ZDHHC14: variants seen among roughly 807,000 people sequenced by gnomAD.
The protein encoded by ZDHHC14 is zDHHC palmitoyltransferase 14, also known as palmitoyltransferase ZDHHC14.
ZDHHC14 carries 16 observed loss-of-function variants against 47.7 expected under a neutral mutation model. That is an observed-to-expected ratio of 0.34 (90% CI 0.23 to 0.51). The LOEUF is 0.51. ZDHHC14 is among the 20% of genes least tolerant of loss of function. The pLI is 0.97. For missense variants in ZDHHC14, 515 were observed against 662.5 expected, an observed-to-expected ratio of 0.78 and a Z score of 2.44; for synonymous variants, 293 against 278.9, an observed-to-expected ratio of 1.05 and a Z score of -0.50.
At chr6:157,530,897 T>TA (rs538397957) in intron 1 of ZDHHC14, among the ~76,000 whole-genome samples, 6,420 of 150,660 alleles carry the variant, frequency 0.043, 437 homozygotes, top group African/African-American at 0.14. Flanking sequence ...ACGGATATGT[T>TA]AAAAAAAAAA....
At chr6:157,487,550 A>G (rs934586601) in intron 1 of ZDHHC14, among the ~76,000 whole-genome samples, 43 of 152,350 alleles carry the variant, frequency 2.8e-4, no homozygotes, top group Non-Finnish European at 5.3e-4. Context: ...GAAATGATTA[A>G]TATCCTTCAT....
chr6:157,636,336 A>AGTGTGTGTGT (rs112041409), intron 5 of ZDHHC14, among the ~76,000 whole-genome samples: 13 of 149,254 alleles, frequency 8.7e-5, no homozygotes, highest in South Asian at 4.3e-4. Flanking sequence ...AGGATATATA[A>AGTGTGTGTGT]GTGTGTGTGT....
intron 1 of ZDHHC14, among the ~76,000 whole-genome samples, chr6:157,477,047 C>G (rs1052282636): frequency 2.6e-5 from 4 of 152,042 alleles, no homozygotes; most frequent in African/African-American, 9.7e-5. Flanking sequence ...GAAGTCCTAG[C>G]CAAAATAACT....
intron 1 of ZDHHC14, among the ~76,000 whole-genome samples, chr6:157,464,770 C>T (rs1322221666): frequency 2.0e-5 from 3 of 152,206 alleles, no homozygotes; most frequent in Non-Finnish European, 2.9e-5. Context: ...TTCAGCTGGG[C>T]GTTGTCTGGT....
chr6:157,621,904 G>GA (rs1785205203), intron 3 of ZDHHC14, among the ~76,000 whole-genome samples: 1 of 151,882 alleles, frequency 6.6e-6, no homozygotes, highest in South Asian at 2.1e-4. Flanking sequence ...TCTAATCTGA[G>GA]GAAAGGCACA....
At chr6:157,399,819 T>C (rs1777594813) in intron 1 of ZDHHC14, among the ~76,000 whole-genome samples, 1 of 152,230 alleles carries the variant, frequency 6.6e-6, no homozygotes, top group East Asian at 1.9e-4. Flanking sequence ...CACATGGCAC[T>C]TTCTGCAGGT....
rs1483312348 is a variant in ZDHHC14, at chr6:157,653,598, T to G, written c.1039T>G (p.Tyr347Asp). The G allele has an allele frequency of 5.0e-6, 8 of 1,613,888 alleles. No homozygotes were observed. Among genetic ancestry groups the G allele is most frequent in the Non-Finnish European group, 4.2e-6 (5 of 1,179,972 alleles). ...AGCACCCTCCAATGGCATCACCATG[T>G]ACGGGGCCACGCAGTCACAGAGTGA... ...PAAPSNGITMYGATQSQSDMC... is the reference protein window; with the variant it reads ...PAAPSNGITMDGATQSQSDMC... The change falls in exon 8 of 9, where the codon TAC becomes GAC. Residue 347 changes from tyrosine to aspartate, a missense_variant. This residue lies in a region of ZDHHC14 where 221 missense variants were observed against 233.6 expected (regional missense o/e 0.95). Transcript: ENST00000359775.
intron 2 of ZDHHC14, among the ~76,000 whole-genome samples, chr6:157,559,168 G>A (rs1391468238): frequency 6.6e-6 from 1 of 151,458 alleles, no homozygotes; most frequent in Non-Finnish European, 1.5e-5. Flanking sequence ...ACTACAGAGA[G>A]ACTGATGGTG....
rs780102191 is a variant in ZDHHC14, at chr6:157,619,248, G to A, written c.566-9101G>A. On this transcript the variant is annotated intron_variant, in intron 3 of 8. Transcript: ENST00000359775. Reference sequence around the variant, plus strand: ...ATTAAAAAAAAAAAAAATCATAGCCGGGCATGGTGTTGCATGCCTGTAATT... The same window carrying A: ...ATTAAAAAAAAAAAAAATCATAGCCAGGCATGGTGTTGCATGCCTGTAATT... Among the ~76,000 whole-genome samples the A allele has an allele frequency of 7.2e-5, 11 of 151,860 alleles. No individual in the cohort carries two copies. The East Asian group carries it at 7.7e-4, about 11-fold the overall frequency.
chr6:157,659,691 C>T (rs1024053352), intron 8 of ZDHHC14, among the ~76,000 whole-genome samples: 7 of 152,222 alleles, frequency 4.6e-5, no homozygotes, highest in African/African-American at 1.7e-4. Flanking sequence ...GGCACCCACC[C>T]TCTGCGCCTT....
At chr6:157,496,374 C>A (rs1780064782) in intron 1 of ZDHHC14, among the ~76,000 whole-genome samples, 3 of 151,400 alleles carry the variant, frequency 2.0e-5, no homozygotes, top group Admixed American at 6.6e-5. Context: ...GGAAGTTAAC[C>A]CCCCCCATGC....
chr6:157,641,701 C>A (rs1277343979), intron 5 of ZDHHC14, among the ~76,000 whole-genome samples: 1 of 152,196 alleles, frequency 6.6e-6, no homozygotes, highest in Non-Finnish European at 1.5e-5. Flanking sequence ...CACAATCTGT[C>A]AATCTCATAC....
chr6:157,548,582 G>A (rs975423000), intron 2 of ZDHHC14, among the ~76,000 whole-genome samples: 4 of 152,222 alleles, frequency 2.6e-5, no homozygotes, highest in Non-Finnish European at 5.9e-5. Context: ...GAGTAGCTGG[G>A]ATTACAGGCA....
chr6:157,668,264 AC>A (rs1474625661), intron 8 of ZDHHC14, among the ~76,000 whole-genome samples: 2 of 152,238 alleles, frequency 1.3e-5, no homozygotes, highest in Non-Finnish European at 2.9e-5. Flanking sequence ...ACTTAGATAG[AC>A]AGTCATCTTT....
intron 8 of ZDHHC14, among the ~76,000 whole-genome samples, chr6:157,657,746 G>A (rs1419549654): frequency 6.6e-6 from 1 of 152,176 alleles, no homozygotes; most frequent in East Asian, 1.9e-4. Context: ...CCCTAAGCAG[G>A]ATGTTCCAGC....
chr6:157,667,325 AAG>A (rs780140602), intron 8 of ZDHHC14, among the ~76,000 whole-genome samples: 1 of 152,112 alleles, frequency 6.6e-6, no homozygotes, highest in South Asian at 2.1e-4. Context: ...ACCAAATTGT[AAG>A]AGAGAAAAAG....
intron 1 of ZDHHC14, among the ~76,000 whole-genome samples, chr6:157,464,828 C>G (rs1779167253): frequency 6.6e-6 from 1 of 152,204 alleles, no homozygotes. Context: ...CCAGGGCCGT[C>G]CGCCCTTGGC....
rs1056410051 is a variant in ZDHHC14 at position 157,495,500 on chromosome 6, G to A, written c.246-47085G>A. Among the ~76,000 whole-genome samples the A allele has an allele frequency of 3.9e-5, 6 of 152,092 alleles. No individual in the cohort carries two copies. In the South Asian group the frequency reaches 1.2e-3, roughly 32 times the overall value. ...GCTGCTGCCTCTAAGGACGGACTTT[G>A]CACAGCATCAGAGACCCCAGAAGCA... On this transcript the variant is annotated intron_variant, in intron 1 of 8. Coordinates refer to ENST00000359775, the MANE Select transcript of ZDHHC14 (RefSeq NM_024630.3).
At chr6:157,567,988 T>A (rs1782969119) in intron 2 of ZDHHC14, among the ~76,000 whole-genome samples, 1 of 152,144 alleles carries the variant, frequency 6.6e-6, no homozygotes. Flanking sequence ...AAATACCTCC[T>A]TGTCATAGAG....
Sources: allele counts gnomAD v4.1 joint callset (sites outside exome capture counted in the v4.1 genomes callset), GRCh38; gene constraint gnomAD v4.1.1; regional missense constraint gnomAD v4.1.1; transcripts MANE v1.5; gene names NCBI Gene and HGNC (gene_info 2026-07-23, HGNC 2026-07-21).